Variants in HYDIN observed in about 807,000 individuals in gnomAD.
The protein encoded by HYDIN is HYDIN axonemal central pair apparatus protein.
HYDIN carries 132 observed loss-of-function variants against 403.9 expected under a neutral mutation model. The ratio of observed to expected loss-of-function variants is 0.33; its 90% CI spans 0.28 to 0.38. The LOEUF (loss-of-function observed/expected upper bound fraction) is 0.38, where lower values mean the gene tolerates loss of function less well. Among genes scored for constraint, HYDIN ranks in the 10% least tolerant of loss-of-function variants. The pLI, the probability that HYDIN is intolerant of heterozygous loss-of-function variation, is 1.00. For missense variants in HYDIN, 2,827 were observed against 5,009.5 expected (o/e 0.56, Z 13.15); for synonymous variants, 1,202 against 1,891.7 (o/e 0.64, Z 9.46).
chr16:70,863,526 C>T (rs1239968392), intron 67 of HYDIN, among the ~76,000 whole-genome samples: 1 of 152,160 alleles, frequency 6.6e-6, no homozygotes, highest in African/African-American at 2.4e-5. Context: ...CAAGACAGCA[C>T]CTCCCTCAGG....
At chr16:70,877,422 T>C (rs562643226) in intron 62 of HYDIN, among the ~76,000 whole-genome samples, 5 of 151,974 alleles carry the variant, frequency 3.3e-5, no homozygotes, top group African/African-American at 1.2e-4. Context: ...GAAAACAAAG[T>C]GAAAAGGTAA....
chr16:71,066,748 G>A, intron 15 of HYDIN: 1 of 382,314 alleles, frequency 2.6e-6, no homozygotes, highest in Non-Finnish European at 5.2e-6. Flanking sequence ...CTCTCAAAAA[G>A]AGAGAGGAGT....
At chr16:71,080,846 T>C (rs991379804) in intron 12 of HYDIN, 5 of 149,870 alleles carry the variant, frequency 3.3e-5, no homozygotes, top group African/African-American at 1.2e-4. Context: ...ATTTTAAAAA[T>C]AGAGGAAAGA....
intron 1 of HYDIN, among the ~76,000 whole-genome samples, chr16:71,200,663 G>A (rs1193153921): frequency 6.6e-6 from 1 of 152,158 alleles, no homozygotes; most frequent in African/African-American, 2.4e-5. Flanking sequence ...ACATTTTCCA[G>A]ACCCTTCTCA....
At chr16:70,833,206 C>T (rs2143512925) in intron 79 of HYDIN, 139 bp from the exon 80 acceptor site, 3 of 721,284 alleles carry the variant, frequency 4.2e-6, no homozygotes, top group Non-Finnish European at 4.4e-6. Context: ...GGAGAAAGAT[C>T]TCTGCCAGAC....
At position 71,176,858 on chromosome 16, in the gene HYDIN, T is replaced by C. The variant is rs549599006; in HGVS notation, c.382-1117A>G. Among the ~76,000 whole-genome samples, 12 of 152,328 alleles carry C rather than the reference T, an allele frequency of 7.9e-5. 1 individual carries two copies. In the South Asian group the frequency reaches 1.9e-3, roughly 24 times the overall value. On this transcript the variant is annotated intron_variant, in intron 4 of 85. Coordinates refer to ENST00000393567, the MANE Select transcript of HYDIN (RefSeq NM_001270974.2). Reference sequence around the variant, plus strand: ...GGACGGAGACACAAAAGTAATAACCTGACAGGCTCTATCTTTTGTACCCCA... The same window carrying C: ...GGACGGAGACACAAAAGTAATAACCCGACAGGCTCTATCTTTTGTACCCCA...
At chr16:71,173,298 A>AT (rs1431636524) in intron 5 of HYDIN, among the ~76,000 whole-genome samples, 1 of 152,202 alleles carries the variant, frequency 6.6e-6, no homozygotes, top group Non-Finnish European at 1.5e-5. Context: ...AACTCAGTTA[A>AT]TTTTTTAAAT....
chr16:71,210,822 A>T (rs915445426), intron 1 of HYDIN, among the ~76,000 whole-genome samples: 1 of 152,114 alleles, frequency 6.6e-6, no homozygotes, highest in African/African-American at 2.4e-5. Context: ...AATAAATGCA[A>T]CTGTATTGAT....
At chr16:70,969,439 G>A (rs2078675373) in intron 36 of HYDIN, among the ~76,000 whole-genome samples, 1 of 152,074 alleles carries the variant, frequency 6.6e-6, no homozygotes, top group South Asian at 2.1e-4. Context: ...AAATGACATT[G>A]GATTTCTCAT....
At chr16:71,198,468 T>C (rs188605464) in intron 1 of HYDIN, among the ~76,000 whole-genome samples, 14 of 152,234 alleles carry the variant, frequency 9.2e-5, no homozygotes, top group African/African-American at 3.1e-4. Flanking sequence ...TTGCTTGTAG[T>C]TGTGAAGAAT....
intron 1 of HYDIN, among the ~76,000 whole-genome samples, chr16:71,200,515 T>C (rs995392793): frequency 6.6e-6 from 1 of 152,178 alleles, no homozygotes; most frequent in Admixed American, 6.5e-5. Flanking sequence ...TCTTGCCATC[T>C]TGATTGCTTC....
chr16:70,976,049 G>C (rs113901125), intron 30 of HYDIN, among the ~76,000 whole-genome samples: 3 of 148,342 alleles, frequency 2.0e-5, no homozygotes, highest in African/African-American at 7.4e-5. Context: ...AGCTTCCATG[G>C]GGCCCTGCTA....
At chr16:71,002,668 AT>A (rs1338601615) in intron 23 of HYDIN, among the ~76,000 whole-genome samples, 9 of 148,626 alleles carry the variant, frequency 6.1e-5, no homozygotes, top group Non-Finnish European at 1.2e-4. Flanking sequence ...TCTTTAACCC[AT>A]TTGGAATTAA....
chr16:70,955,846 T>C (rs1344605381), intron 39 of HYDIN, among the ~76,000 whole-genome samples: 1 of 151,836 alleles, frequency 6.6e-6, no homozygotes, highest in Non-Finnish European at 1.5e-5. Flanking sequence ...TGAGATGGAG[T>C]CTCACTCTGT....
Position 71,218,665 on chromosome 16 carries a change from T to G in HYDIN, c.-24+11897A>C, listed in dbSNP as rs185524874. Among the ~76,000 whole-genome samples, 12 of 152,334 alleles carry G rather than the reference T, an allele frequency of 7.9e-5. No individual in the cohort carries two copies. The East Asian group carries it at 2.3e-3, about 29-fold the overall frequency. On this transcript the variant is annotated intron_variant, in intron 1 of 85. Transcript: ENST00000393567. Reference sequence around the variant, plus strand: ...TGTTGCCTTTTCCCTCCCTGCAATATTTCATGATTTGGCAACTGACAACCC... The same window carrying G: ...TGTTGCCTTTTCCCTCCCTGCAATAGTTCATGATTTGGCAACTGACAACCC...
intron 25 of HYDIN, among the ~76,000 whole-genome samples, chr16:70,990,641 C>A (rs117589112): frequency 2.6e-5 from 4 of 151,946 alleles, no homozygotes; most frequent in African/African-American, 9.7e-5. Context: ...TTTATTCAGA[C>A]GGTCTCCTAT....
intron 18 of HYDIN, among the ~76,000 whole-genome samples, 151 bp downstream of exon 18, chr16:71,060,351 TAA>T (rs2082038550): frequency 6.6e-6 from 1 of 152,246 alleles, no homozygotes; most frequent in Admixed American, 6.5e-5. Context: ...TTTATTATAA[TAA>T]AGAAGAACTG....
At chr16:71,221,559 G>A (rs2089202207) in intron 1 of HYDIN, among the ~76,000 whole-genome samples, 1 of 152,032 alleles carries the variant, frequency 6.6e-6, no homozygotes, top group South Asian at 2.1e-4. Context: ...CATACTAAGA[G>A]AGTGGGAAAA....
chr16:70,818,410 A>C lies in HYDIN; in HGVS notation c.14590T>G (p.Phe4864Val), dbSNP rs1567650113. ...LENPLPYSVT[F>V]STECRMPDIA... ...TCGGGCATCCGGCATTCCGTGGAGA[A>C]GGTCACCGAGTAGGGCAGAGGGTTC... The change falls in exon 84 of 86, where the codon TTC becomes GTC. Residue 4864 changes from phenylalanine to valine, a missense_variant. By Grantham distance (50) the Phe-to-Val change is conservative. Transcript: ENST00000393567. 1.2e-6 allele frequency: 2 copies of C among 1,613,584 alleles called. No individual in the cohort carries two copies. Among genetic ancestry groups the C allele is most frequent in the Non-Finnish European group, 8.5e-7 (1 of 1,179,748 alleles).
Sources: gnomAD v4.1 joint callset for allele counts (sites outside exome capture counted in the v4.1 genomes callset) on GRCh38, gnomAD v4.1.1 for gene constraint, MANE v1.5 for transcripts, NCBI Gene and HGNC (gene_info 2026-07-23, HGNC 2026-07-21) for gene names.